Variants in ZNF704 observed in about 807,000 individuals in gnomAD.
ZNF704 encodes the protein zinc finger protein 704, also known as glucocorticoid induced gene 1.
ZNF704 carries 10 observed loss-of-function variants against 44.7 expected under a neutral mutation model. That is an observed-to-expected ratio of 0.22 (90% CI 0.14 to 0.38). The LOEUF is 0.38. Among genes scored for constraint, ZNF704 ranks in the 10% least tolerant of loss-of-function variants. The pLI is 1.00. For synonymous variants in ZNF704, 211 were observed against 207.6 expected (o/e 1.02, Z -0.14); for missense variants, 390 against 545.5 (o/e 0.71, Z 2.84).
intron 2 of ZNF704, among the ~76,000 whole-genome samples, chr8:80,733,400 TA>T (rs1005337730): frequency 6.6e-6 from 1 of 152,214 alleles, no homozygotes; most frequent in African/African-American, 2.4e-5. Context: ...GAGGCTTTGA[TA>T]AAACACATTT....
chr8:80,652,635 GAATAGACCAAT>G (rs1431505694), intron 7 of ZNF704, among the ~76,000 whole-genome samples: 1 of 152,162 alleles, frequency 6.6e-6, no homozygotes, highest in Non-Finnish European at 1.5e-5. Context: ...TTGAATCTCT[GAATAGACCAAT>G]AATAGGCTCT....
At chr8:80,768,330 G>A (rs1807262518) in intron 2 of ZNF704, among the ~76,000 whole-genome samples, 1 of 151,824 alleles carries the variant, frequency 6.6e-6, no homozygotes, top group East Asian at 1.9e-4. Context: ...TCTCCCATAA[G>A]CCAATCACCC....
rs1818665765 is a variant in ZNF704, at chr8:80,693,015, A to G, written c.314T>C (p.Val105Ala). The change falls in exon 3 of 9, where the codon GTG (valine) becomes GCG (alanine). Residue 105 changes from valine to alanine, a missense_variant. Coordinates refer to ENST00000327835, the MANE Select transcript of ZNF704 (RefSeq NM_001033723.3). ...TATCCTGGGCTTACCGTTCGGCCGCACGGGAGGACTTCGAACCAAAGGGCT... is the reference window on the plus strand; with the variant it reads ...TATCCTGGGCTTACCGTTCGGCCGCGCGGGAGGACTTCGAACCAAAGGGCT... The part of the protein sequence containing the change: ...STSPLVRSPP[V>A]RPNESLSGSW... 1 of 1,613,994 alleles carries G rather than the reference A, an allele frequency of 6.2e-7. No individual in the cohort carries two copies. Among genetic ancestry groups the G allele is most frequent in the African/African-American group, 1.3e-5 (1 of 74,916 alleles).
intron 2 of ZNF704, among the ~76,000 whole-genome samples, chr8:80,817,248 T>C (rs1347505957): frequency 6.6e-6 from 1 of 152,156 alleles, no homozygotes; most frequent in Non-Finnish European, 1.5e-5. Flanking sequence ...GTACGCACCT[T>C]ACAGATCTCC....
chr8:80,827,492 C>G (rs953577835), intron 1 of ZNF704, among the ~76,000 whole-genome samples: 3 of 152,158 alleles, frequency 2.0e-5, no homozygotes, highest in African/African-American at 4.8e-5. Context: ...AATGGCCATA[C>G]TGCCCAAGGT....
chr8:80,640,015 A>C lies in ZNF704; in HGVS notation c.*1351T>G, dbSNP rs1406187673. 2 of 152,582 alleles carry C rather than the reference A, an allele frequency of 1.3e-5. No homozygotes were observed. The highest frequency in any genetic ancestry group is 1.3e-4 in the Admixed American group (2 of 15,274). The allele number at this position is 152,582 out of a possible 1,614,324, so 9.5% of individuals were successfully genotyped here. A position where few individuals can be genotyped will look rare whatever the true frequency, so the allele number is the denominator to read the frequency against. On this transcript the variant is annotated 3_prime_UTR_variant, in exon 9 of 9. Coordinates refer to ENST00000327835, the MANE Select transcript of ZNF704 (RefSeq NM_001033723.3). ...CCACACCACTATCCCCCAAACAAACAAGCAAGTAAGTTACGAAGCCCAATA... is the reference window on the plus strand; with the variant it reads ...CCACACCACTATCCCCCAAACAAACCAGCAAGTAAGTTACGAAGCCCAATA...
intron 7 of ZNF704, among the ~76,000 whole-genome samples, chr8:80,646,943 T>C (rs1817843586): frequency 6.6e-6 from 1 of 152,242 alleles, no homozygotes; most frequent in Admixed American, 6.5e-5. Context: ...ACAGTAACAC[T>C]ACTCCCATCA....
chr8:80,645,495 G>A (rs1817815928), intron 7 of ZNF704, among the ~76,000 whole-genome samples: 1 of 152,196 alleles, frequency 6.6e-6, no homozygotes, highest in African/African-American at 2.4e-5. Flanking sequence ...CAATGCTGGA[G>A]GTGGGGCCTG....
chr8:80,692,966 C>G, intron 3 of ZNF704, 38 bp downstream of exon 3: 1 of 1,582,836 alleles, frequency 6.3e-7, no homozygotes, highest in Admixed American at 1.7e-5. Context: ...CTCTTGGTGT[C>G]AAGGGGCCCT....
chr8:80,830,753 C>CT (rs772059759), intron 1 of ZNF704, among the ~76,000 whole-genome samples: 2,565 of 89,098 alleles, frequency 0.029, 53 homozygotes, highest in Non-Finnish European at 0.04. Context: ...GTGTTTCTTT[C>CT]TTTTTTTTTT....
At chr8:80,684,115 T>G (rs78793105) in intron 4 of ZNF704, among the ~76,000 whole-genome samples, 1 of 152,208 alleles carries the variant, frequency 6.6e-6, no homozygotes, top group Non-Finnish European at 1.5e-5. Flanking sequence ...GATGAAGAAG[T>G]TGATGATCAG....
At chr8:80,671,577 T>C (rs1269653145) in intron 4 of ZNF704, among the ~76,000 whole-genome samples, 2 of 152,242 alleles carry the variant, frequency 1.3e-5, no homozygotes, top group Non-Finnish European at 2.9e-5. Context: ...TTATGCATCC[T>C]AGAGTAAATT....
intron 3 of ZNF704, among the ~76,000 whole-genome samples, chr8:80,688,173 A>T (rs1329116230): frequency 6.6e-6 from 1 of 151,436 alleles, no homozygotes; most frequent in Non-Finnish European, 1.5e-5. Context: ...GGGTCACTGC[A>T]CTCTAGCCTG....
the ZNF704 span, among the ~76,000 whole-genome samples, chr8:80,882,538 C>T: frequency 6.6e-6 from 1 of 152,224 alleles, no homozygotes; most frequent in Admixed American, 6.5e-5. Flanking sequence ...ACTTCTCTAG[C>T]TTTGTTGTTC....
chr8:80,793,448 T>C (rs567758810), intron 2 of ZNF704, among the ~76,000 whole-genome samples: 1 of 152,268 alleles, frequency 6.6e-6, no homozygotes, highest in East Asian at 1.9e-4. Flanking sequence ...AATTATGCTC[T>C]AGATGTAGAT....
intron 2 of ZNF704, among the ~76,000 whole-genome samples, chr8:80,703,178 C>A (rs1033409982): frequency 6.6e-6 from 1 of 152,076 alleles, no homozygotes; most frequent in African/African-American, 2.4e-5. Context: ...TCTTCCAACT[C>A]GTGAAAATTC....
At chr8:80,777,258 T>G (rs1807429987) in intron 2 of ZNF704, among the ~76,000 whole-genome samples, 3 of 152,170 alleles carry the variant, frequency 2.0e-5, no homozygotes, top group Admixed American at 6.5e-5. Flanking sequence ...TATTTAGCCT[T>G]GTATCATTAC....
chr8:80,662,339 G>A (rs1818115401), intron 6 of ZNF704, among the ~76,000 whole-genome samples: 1 of 152,072 alleles, frequency 6.6e-6, no homozygotes, highest in Non-Finnish European at 1.5e-5. Context: ...TCTATAAACA[G>A]AAAAGTCTCA....
intron 1 of ZNF704, among the ~76,000 whole-genome samples, chr8:80,838,078 T>TA (rs1418473605): frequency 1.3e-5 from 2 of 152,132 alleles, no homozygotes; most frequent in South Asian, 2.1e-4. Context: ...ACTCTCATCT[T>TA]AGACTCTACT....
Sources: gnomAD v4.1 joint callset for allele counts (sites outside exome capture counted in the v4.1 genomes callset) on GRCh38, gnomAD v4.1.1 for gene constraint, MANE v1.5 for transcripts, NCBI Gene and HGNC (gene_info 2026-07-23, HGNC 2026-07-21) for gene names.